Variants in ZNF846 observed in about 807,000 individuals in gnomAD.
ZNF846 encodes the protein zinc finger protein 846.
A neutral mutation model predicts 16.0 loss-of-function variants in ZNF846; 15 were observed. The observed-to-expected ratio is 0.94, with a 90% CI of 0.63 to 1.45. ZNF846 has a LOEUF of 1.45. ZNF846 is among the 40% of genes most tolerant of loss of function. The pLI, the probability that ZNF846 is intolerant of heterozygous loss-of-function variation, is 0.00. For synonymous variants in ZNF846, 229 were observed against 212.0 expected, an observed-to-expected ratio of 1.08 and a Z score of -0.70; for missense variants, 714 against 622.3, an observed-to-expected ratio of 1.15 and a Z score of -1.57.
chr19:9,774,508 C>T lies in ZNF846; in HGVS notation c.-85-9473G>A, dbSNP rs898107751. On this transcript the variant is annotated intron_variant, in intron 1 of 4. Transcript: ENST00000586814. The stretch of plus-strand genomic sequence containing the variant: ...ATACCAAATCCAAGATGGCGGCCAG[C>T]AGGAGGCTGATTAAGAGCTTGAGGA... 29 of 1,114,746 alleles carry T rather than the reference C, an allele frequency of 2.6e-5. No individual in the cohort carries two copies. The African/African-American group carries it at 4.4e-4, about 17-fold the overall frequency. The allele number at this position is 1,114,746 out of a possible 1,614,324, so 69.1% of individuals were successfully genotyped here.
downstream of ZNF846, chr19:9,756,345 G>GTGTGTATATATATATATATATA (rs1321690890): frequency 2.4e-5 from 2 of 81,776 alleles, no homozygotes; most frequent in African/African-American, 6.1e-5. Context: ...GTGTGTGTGT[G>GTGTGTATATATATATATATATA]TATATATATA....
downstream of ZNF846, among the ~76,000 whole-genome samples, chr19:9,754,543 C>T (rs566723216): frequency 6.1e-5 from 7 of 114,150 alleles, no homozygotes; most frequent in African/African-American, 1.6e-4. Flanking sequence ...CCAGCCTGGG[C>T]GACAGAGCGA....
downstream of ZNF846, among the ~76,000 whole-genome samples, chr19:9,749,969 A>C (rs1303624480): frequency 6.6e-6 from 1 of 151,836 alleles, no homozygotes; most frequent in Non-Finnish European, 1.5e-5. Context: ...TGGACCCCTA[A>C]CCACACAAAC....
At chr19:9,748,653 T>C (rs1331786287), downstream of ZNF846, among the ~76,000 whole-genome samples, 2 of 152,090 alleles carry the variant, frequency 1.3e-5, no homozygotes, top group Non-Finnish European at 2.9e-5. Flanking sequence ...ATCTCTGTTT[T>C]GGTAGAACTA....
At chr19:9,771,956 C>T (rs1159207744), upstream of ZNF846, among the ~76,000 whole-genome samples, 4 of 151,862 alleles carry the variant, frequency 2.6e-5, no homozygotes, top group East Asian at 2.0e-4. Flanking sequence ...TTAGTAGAGA[C>T]GAGGTTTCAC....
chr19:9,782,677 T>C (rs1313572539), intron 1 of ZNF846, among the ~76,000 whole-genome samples: 1 of 152,224 alleles, frequency 6.6e-6, no homozygotes, highest in African/African-American at 2.4e-5. Flanking sequence ...TTTAGATTGT[T>C]ACATGAGTAG....
Position 9,758,398 on chromosome 19 carries a change from CAT to C in ZNF846, c.677_678del (p.Tyr226CysfsTer3). On this transcript the variant is annotated frameshift_variant, in exon 6 of 6. Coordinates refer to ENST00000397902, the Ensembl canonical transcript of ZNF846. LOFTEE classifies it low-confidence loss of function (END_TRUNC). ...AAGGCTTTCCCACATTCCTTACATA[CAT>C]AGTGTTTGTCTCCATTGTGAGATCT... 1 of 1,613,204 alleles carries C rather than the reference CAT, an allele frequency of 6.2e-7. No homozygotes were observed. Among genetic ancestry groups the C allele is most frequent in the Non-Finnish European group, 8.5e-7 (1 of 1,179,858 alleles).
upstream of ZNF846, among the ~76,000 whole-genome samples, chr19:9,772,334 T>A (rs138415172): frequency 9.9e-4 from 150 of 152,074 alleles, no homozygotes; most frequent in Middle Eastern, 3.4e-3. Flanking sequence ...GCATGGAGGC[T>A]CACACCTGTA....
At chr19:9,764,747 G>A (rs1041534085) in intron 2 of ZNF846, 189 bp downstream of exon 2, 58 of 653,740 alleles carry the variant, frequency 8.9e-5, no homozygotes, top group Admixed American at 8.4e-4. Context: ...GCCAGATCCC[G>A]CAATACACTT....
intron 5 of ZNF846, among the ~76,000 whole-genome samples, chr19:9,759,035 G>T (rs1416456021): frequency 3.3e-5 from 5 of 151,648 alleles, no homozygotes; most frequent in Admixed American, 3.3e-4. Context: ...TTCTCACTCT[G>T]TCACCCAGGC....
In ZNF846 at chr19:9,780,048, G is replaced by GTTTTT. The variant is rs558280116; in HGVS notation, c.-86+5885_-86+5889dup. 1.0e-3 allele frequency among the ~76,000 whole-genome samples: 127 copies of GTTTTT among 124,282 alleles called. 8 individuals carry two copies. The highest frequency in any genetic ancestry group is 2.4e-3 in the African/African-American group (70 of 29,468). The allele number at this position is 124,282 out of a possible 152,430, so 81.5% of individuals were successfully genotyped here. ...CATGCCACCATGCCCAGCTAATTTT[G>GTTTTT]TTTTTTTTTTTGTTTTTTTTTTTGT... On this transcript the variant is annotated intron_variant, in intron 1 of 4. Transcript: ENST00000586814.
downstream of ZNF846, chr19:9,755,525 G>T (rs1188417717): frequency 6.6e-6 from 1 of 151,356 alleles, no homozygotes; most frequent in Non-Finnish European, 1.5e-5. Flanking sequence ...ACCAGGCCGG[G>T]CGCGGTGGCT....
chr19:9,751,384 A>C (rs2045082490), downstream of ZNF846, among the ~76,000 whole-genome samples: 1 of 152,072 alleles, frequency 6.6e-6, no homozygotes, highest in Non-Finnish European at 1.5e-5. Flanking sequence ...TATTTTATTT[A>C]TTATTTTTAT....
At chr19:9,755,290 T>C (rs2045122150), downstream of ZNF846, among the ~76,000 whole-genome samples, 1 of 151,618 alleles carries the variant, frequency 6.6e-6, no homozygotes, top group Non-Finnish European at 1.5e-5. Flanking sequence ...ATTAAACTTT[T>C]CAACCACAGA....
chr19:9,772,111 A>G (rs563579448), upstream of ZNF846, among the ~76,000 whole-genome samples: 11 of 152,140 alleles, frequency 7.2e-5, no homozygotes, highest in Non-Finnish European at 1.3e-4. Context: ...TTAAAATACT[A>G]TTTTTCCCCA....
chr19:9,751,480 G>C (rs1283478450), downstream of ZNF846, among the ~76,000 whole-genome samples: 1 of 152,138 alleles, frequency 6.6e-6, no homozygotes, highest in Non-Finnish European at 1.5e-5. Context: ...CCCGGCCCTT[G>C]TGATAATGTA....
downstream of ZNF846, among the ~76,000 whole-genome samples, chr19:9,750,975 G>A (rs79454960): frequency 5.6e-3 from 859 of 152,052 alleles, no homozygotes; most frequent in African/African-American, 8.4e-3. Context: ...ATATGATGAC[G>A]TCAAAAAACT....
chr19:9,778,746 T>C (rs1490382260), intron 1 of ZNF846, among the ~76,000 whole-genome samples: 2 of 140,172 alleles, frequency 1.4e-5, no homozygotes, highest in Non-Finnish European at 3.0e-5. Context: ...GAGGTTGCAG[T>C]GAGCTGAGAT....
At chr19:9,785,885 C>T in intron 1 of ZNF846, 1 of 141,192 alleles carries the variant, frequency 7.1e-6, no homozygotes, top group Non-Finnish European at 1.5e-5. Context: ...CTCACCGAGA[C>T]CCCGCCCCCG....
Sources: allele counts gnomAD v4.1 joint callset (sites outside exome capture counted in the v4.1 genomes callset), GRCh38; gene constraint gnomAD v4.1.1; transcripts MANE v1.5; gene names NCBI Gene and HGNC (gene_info 2026-07-23, HGNC 2026-07-21).